The following XRCC4 variants were observed in gnomAD, a reference collection of about 807,000 sequenced individuals.
XRCC4 encodes the protein X-ray repair cross complementing 4.
XRCC4 carries 28 observed loss-of-function variants against 39.1 expected under a neutral mutation model. The ratio of observed to expected loss-of-function variants is 0.72; its 90% CI spans 0.53 to 0.98. The LOEUF (loss-of-function observed/expected upper bound fraction) is 0.98. Ranked by LOEUF, XRCC4 falls within the 50% of genes least tolerant of loss-of-function variation. The probability of loss-of-function intolerance (pLI) is 0.00; values close to 1 mark genes in which losing one functional copy is unlikely to be tolerated. For synonymous variants in XRCC4, 123 were observed against 126.4 expected, an observed-to-expected ratio of 0.97 and a Z score of 0.18; for missense variants, 350 against 376.4, an observed-to-expected ratio of 0.93 and a Z score of 0.58.
At chr5:83,147,166 G>T (rs1354914705) in intron 3 of XRCC4, among the ~76,000 whole-genome samples, 1 of 152,120 alleles carries the variant, frequency 6.6e-6, no homozygotes, top group Non-Finnish European at 1.5e-5. Flanking sequence ...ATGGACACCT[G>T]TAGTCCTAGC....
chr5:83,291,157 C>T (rs1161935339), intron 7 of XRCC4, among the ~76,000 whole-genome samples: 3 of 151,688 alleles, frequency 2.0e-5, no homozygotes, highest in East Asian at 1.9e-4. Context: ...CAAAAATCAT[C>T]GGAGGCACCC....
chr5:83,146,780 C>T (rs770273234), intron 3 of XRCC4, among the ~76,000 whole-genome samples: 1 of 152,132 alleles, frequency 6.6e-6, no homozygotes, highest in Non-Finnish European at 1.5e-5. Flanking sequence ...TAATGTTTTC[C>T]ATTATTTCTC....
At chr5:83,113,653 C>T (rs1315817609) in intron 3 of XRCC4, among the ~76,000 whole-genome samples, 5 of 151,374 alleles carry the variant, frequency 3.3e-5, no homozygotes, top group Admixed American at 3.3e-4. Context: ...CGGAGTCTCG[C>T]TGTGTCACCC....
intron 3 of XRCC4, among the ~76,000 whole-genome samples, chr5:83,183,633 T>G (rs575219952): frequency 6.6e-6 from 1 of 152,254 alleles, no homozygotes; most frequent in South Asian, 2.1e-4. Flanking sequence ...TTGCTGTTGA[T>G]TTTTGTTTGT....
intron 6 of XRCC4, among the ~76,000 whole-genome samples, chr5:83,243,658 C>T (rs1347648980): frequency 6.6e-6 from 1 of 152,110 alleles, no homozygotes; most frequent in East Asian, 1.9e-4. Flanking sequence ...AGGCACTCTA[C>T]AGCATGCGGT....
At chr5:83,359,097 G>A in the XRCC4 span, among the ~76,000 whole-genome samples, 9 of 152,178 alleles carry the variant, frequency 5.9e-5, no homozygotes, top group East Asian at 7.7e-4. Context: ...TCCCTACTTC[G>A]GGTTTCCCAT....
intron 2 of XRCC4, among the ~76,000 whole-genome samples, chr5:83,107,425 G>A (rs1443925761): frequency 6.6e-6 from 1 of 151,210 alleles, no homozygotes; most frequent in East Asian, 1.9e-4. Context: ...CCTTCAATTT[G>A]GACAATTTTT....
chr5:83,126,915 G>C (rs1329791112), intron 3 of XRCC4, among the ~76,000 whole-genome samples: 1 of 152,124 alleles, frequency 6.6e-6, no homozygotes, highest in Non-Finnish European at 1.5e-5. Flanking sequence ...AGACATTTCT[G>C]GGACTTGCAA....
At chr5:83,297,821 T>C (rs1018128711) in intron 7 of XRCC4, among the ~76,000 whole-genome samples, 1 of 151,922 alleles carries the variant, frequency 6.6e-6, no homozygotes, top group Admixed American at 6.6e-5. Flanking sequence ...CTCATCTTAT[T>C]TATTATCTTT....
At position 83,105,013 on chromosome 5, in the gene XRCC4, T is replaced by A. The variant is rs1305679408; in HGVS notation, c.94T>A (p.Phe32Ile). The A allele has an allele frequency of 2.5e-6, 4 of 1,613,526 alleles. No homozygotes were observed. The African/African-American group carries it at 5.3e-5, about 22-fold the overall frequency. The change falls in exon 2 of 8, where the codon TTT (phenylalanine) becomes ATT (isoleucine). Residue 32 changes from phenylalanine to isoleucine, a missense_variant. Transcript: ENST00000396027. ...VSWEKTLESGFVITLTDGHSA... is the reference protein window; with the variant it reads ...VSWEKTLESGIVITLTDGHSA... ...TTGGGAGAAAACACTGGAATCTGGT[T>A]TTGTTATTACACTTACTGATGGTCA...
At chr5:83,145,988 C>T (rs1203608573) in intron 3 of XRCC4, among the ~76,000 whole-genome samples, 2 of 151,948 alleles carry the variant, frequency 1.3e-5, no homozygotes, top group Admixed American at 6.6e-5. Flanking sequence ...CTCTCCAGTC[C>T]CTTATGTCTC....
chr5:83,190,511 C>T (rs1392601874), intron 3 of XRCC4, among the ~76,000 whole-genome samples: 1 of 152,036 alleles, frequency 6.6e-6, no homozygotes, highest in Non-Finnish European at 1.5e-5. Flanking sequence ...TTTTCATTTT[C>T]CTTTAGTTCC....
rs189226813 is a variant in XRCC4, at chr5:83,255,193, G to C, written c.746-3337G>C. On this transcript the variant is annotated intron_variant, in intron 6 of 7. Transcript: ENST00000396027. ...TAGTACCTTTTTATCCTGGTTTCAGGGTGGAGAGAGAAGGATAGAATGGAT... is the reference window on the plus strand; with the variant it reads ...TAGTACCTTTTTATCCTGGTTTCAGCGTGGAGAGAGAAGGATAGAATGGAT... Among the ~76,000 whole-genome samples the C allele has an allele frequency of 4.6e-4, 70 of 152,248 alleles. 1 individual carries two copies. The East Asian group carries it at 0.012, about 27-fold the overall frequency.
intron 3 of XRCC4, among the ~76,000 whole-genome samples, chr5:83,158,964 G>A (rs543005531): frequency 9.9e-4 from 151 of 152,138 alleles, no homozygotes; most frequent in African/African-American, 3.5e-3. Context: ...ATGAGCTGAC[G>A]TCACTAACAG....
At chr5:83,121,720 C>CT (rs992142922) in intron 3 of XRCC4, among the ~76,000 whole-genome samples, 2 of 151,938 alleles carry the variant, frequency 1.3e-5, no homozygotes, top group Admixed American at 1.3e-4. Context: ...GAGGAACTTA[C>CT]TTTTTTTTCT....
chr5:83,303,517 A>G (rs1170620539), intron 7 of XRCC4, among the ~76,000 whole-genome samples: 2 of 152,174 alleles, frequency 1.3e-5, no homozygotes, highest in Admixed American at 6.5e-5. Context: ...TGGTATAATA[A>G]TAAATTATAA....
At chr5:83,301,386 G>A (rs1434063454) in intron 7 of XRCC4, among the ~76,000 whole-genome samples, 2 of 152,148 alleles carry the variant, frequency 1.3e-5, no homozygotes, top group Non-Finnish European at 2.9e-5. Context: ...CTTTTGAGAA[G>A]TGTCTGTTCA....
chr5:83,111,362 TAA>T (rs1746439009), intron 3 of XRCC4, among the ~76,000 whole-genome samples, 159 bp downstream of exon 3: 1 of 152,046 alleles, frequency 6.6e-6, no homozygotes, highest in African/African-American at 2.4e-5. Context: ...ACTTCAAAGC[TAA>T]AGTCATTAAA....
In XRCC4 at chr5:83,088,632, AT is replaced by A. The variant is rs575910712; in HGVS notation, c.-11+11020del. Among the ~76,000 whole-genome samples, 236 of 152,290 alleles carry A rather than the reference AT, an allele frequency of 1.5e-3. 1 individual carries two copies. The highest frequency in any genetic ancestry group is 5.4e-3 in the African/African-American group (224 of 41,560). ...AGTGTGGCTTCATTTGTTAATAAAC[AT>A]TTCATTAATTCTTTTGGGGAAGTGT... On this transcript the variant is annotated intron_variant, in intron 1 of 7. Transcript: ENST00000396027.
Sources: gnomAD v4.1 joint callset for allele counts (sites outside exome capture counted in the v4.1 genomes callset) on GRCh38, gnomAD v4.1.1 for gene constraint, MANE v1.5 for transcripts, NCBI Gene and HGNC (gene_info 2026-07-23, HGNC 2026-07-21) for gene names.